The following PAMR1 variants were observed in gnomAD, a reference collection of about 807,000 sequenced individuals.
PAMR1 encodes the protein inactive serine protease PAMR1.
Under a neutral mutation model 81.8 loss-of-function variants are expected in PAMR1, and 88 were observed. That is an observed-to-expected ratio of 1.08 (90% CI 0.91 to 1.28). The LOEUF (loss-of-function observed/expected upper bound fraction) is 1.28. Ranked by LOEUF, PAMR1 falls within the 50% of genes most tolerant of loss-of-function variation. The pLI is 0.00. For synonymous variants in PAMR1, 336 were observed against 345.3 expected (o/e 0.97, Z 0.30); for missense variants, 935 against 919.7 (o/e 1.02, Z -0.21).
chr11:35,492,588 C>T (rs891139766), intron 2 of PAMR1, among the ~76,000 whole-genome samples: 3 of 152,236 alleles, frequency 2.0e-5, no homozygotes, highest in Non-Finnish European at 2.9e-5. Flanking sequence ...CAGTCTTTCT[C>T]TGCCTATATA....
intron 8 of PAMR1, chr11:35,436,343 G>A: frequency 3.8e-6 from 2 of 525,884 alleles, no homozygotes; most frequent in South Asian, 5.2e-5. Context: ...GGAGTGTAGT[G>A]ATGCGATCTT....
At chr11:35,434,425 GACAGAGCTTGGTATAATC>G (rs1277654448) in intron 10 of PAMR1, 69 bp downstream of exon 10, 37 of 1,336,560 alleles carry the variant, frequency 2.8e-5, no homozygotes, top group Non-Finnish European at 3.7e-5. Context: ...ATGCTAAGGG[GACAGAGCTTGGTATAATC>G]ACTGCTCTCC....
intron 6 of PAMR1, among the ~76,000 whole-genome samples, chr11:35,453,825 C>A (rs1856470675): frequency 6.6e-6 from 1 of 152,106 alleles, no homozygotes; most frequent in Non-Finnish European, 1.5e-5. Context: ...CCTGAAGGAG[C>A]ATCAAGGTCC....
chr11:35,472,994 G>A (rs1244121877), intron 4 of PAMR1, among the ~76,000 whole-genome samples: 1 of 152,130 alleles, frequency 6.6e-6, no homozygotes, highest in Admixed American at 6.5e-5. Context: ...TGGCAGGAGT[G>A]GAAGCCAGGA....
At chr11:35,476,652 T>C (rs141480501) in intron 3 of PAMR1, among the ~76,000 whole-genome samples, 140 of 152,266 alleles carry the variant, frequency 9.2e-4, no homozygotes, top group African/African-American at 3.2e-3. Context: ...CACCCGCCAT[T>C]CACCCTTGTT....
Position 35,470,808 on chromosome 11 carries a change from A to C in PAMR1, c.505T>G (p.Leu169Val), listed in dbSNP as rs139236929. ...CACATGTAGTCAAACTCCAGGCTCA[A>C]CATGACAAATCTGTGGGTGGACAGG... is the stretch of plus-strand genomic sequence containing the variant. ...GFVIQLRFVM[L>V]SLEFDYMCQY... is the part of the protein sequence containing the mutation. Residue 169 changes from leucine (L) to valine (V), a missense_variant, in exon 5 of 11, where the codon TTG (leucine) becomes GTG (valine). By Grantham distance (32) the Leu-to-Val change is conservative (BLOSUM62 1). Transcript: ENST00000619888. The C allele has an allele frequency of 1.2e-4, 190 of 1,613,712 alleles. No homozygotes were observed. In the African/African-American group the frequency reaches 1.9e-3, roughly 16 times the overall value.
intron 5 of PAMR1, among the ~76,000 whole-genome samples, chr11:35,468,797 T>C (rs1453343134): frequency 6.6e-6 from 1 of 152,226 alleles, no homozygotes; most frequent in Non-Finnish European, 1.5e-5. Flanking sequence ...CAAGGCATCC[T>C]GGGGACTATT....
At chr11:35,475,088 C>T (rs1043590122) in intron 3 of PAMR1, among the ~76,000 whole-genome samples, 4 of 152,158 alleles carry the variant, frequency 2.6e-5, no homozygotes, top group Non-Finnish European at 2.9e-5. Flanking sequence ...ATGTAAAGTT[C>T]GAGCCACCCT....
intron 6 of PAMR1, among the ~76,000 whole-genome samples, chr11:35,450,402 G>A (rs1156529667): frequency 1.3e-5 from 2 of 152,122 alleles, no homozygotes; most frequent in Non-Finnish European, 2.9e-5. Context: ...ATAAAAAAGG[G>A]ACCCCACTGA....
At chr11:35,488,771 C>T (rs1383490754) in intron 3 of PAMR1, among the ~76,000 whole-genome samples, 3 of 141,614 alleles carry the variant, frequency 2.1e-5, no homozygotes, top group African/African-American at 7.7e-5. Flanking sequence ...CAGGGTTTCA[C>T]CATGTTGCTC....
chr11:35,455,526 C>A (rs536153161), intron 6 of PAMR1, among the ~76,000 whole-genome samples: 106 of 152,258 alleles, frequency 7.0e-4, no homozygotes, highest in African/African-American at 2.3e-3. Context: ...GATACACCAG[C>A]CTTGCATGAA....
upstream of PAMR1, among the ~76,000 whole-genome samples, chr11:35,528,127 C>A (rs953917160): frequency 1.3e-5 from 2 of 152,070 alleles, no homozygotes; most frequent in African/African-American, 4.8e-5. Context: ...GCAGTCTATA[C>A]CACCCCCAAA....
At chr11:35,463,273 C>G (rs1020526653) in intron 6 of PAMR1, among the ~76,000 whole-genome samples, 3 of 152,218 alleles carry the variant, frequency 2.0e-5, no homozygotes, top group Middle Eastern at 3.2e-3. Flanking sequence ...GACTCCAAAA[C>G]CCAAATGAAT....
chr11:35,511,518 G>A (rs1011661162), intron 1 of PAMR1, among the ~76,000 whole-genome samples: 2 of 152,200 alleles, frequency 1.3e-5, no homozygotes, highest in South Asian at 2.1e-4. Context: ...AGACACTTTT[G>A]TCATGTGCCT....
chr11:35,497,046 A>G (rs1410998509), intron 1 of PAMR1, among the ~76,000 whole-genome samples: 2 of 152,174 alleles, frequency 1.3e-5, no homozygotes, highest in African/African-American at 2.4e-5. Flanking sequence ...GCACACCTGT[A>G]ATCCCAGCTA....
At chr11:35,452,579 TAC>T (rs1395882227) in intron 6 of PAMR1, among the ~76,000 whole-genome samples, 1 of 152,230 alleles carries the variant, frequency 6.6e-6, no homozygotes, top group Non-Finnish European at 1.5e-5. Flanking sequence ...TTAAAATAAT[TAC>T]AGTTATTATC....
chr11:35,490,707 A>T (rs1850606649), intron 3 of PAMR1, among the ~76,000 whole-genome samples: 1 of 152,232 alleles, frequency 6.6e-6, no homozygotes, highest in Admixed American at 6.5e-5. Context: ...CATATAGGAT[A>T]ACAGTGACAT....
Position 35,468,076 on chromosome 11 carries a change from TGCC to T in PAMR1, c.742_744del (p.Gly248del). On this transcript the variant is annotated inframe_deletion, in exon 6 of 11. Transcript: ENST00000619888. ...GATCCAGCCTTGTCAAGGACGCACG[TGCC>T]GTCATGGAAACAAGGGGATGAGGAG... 1 of 1,556,308 alleles carries T rather than the reference TGCC, an allele frequency of 6.4e-7. No individual in the cohort carries two copies.
intron 3 of PAMR1, among the ~76,000 whole-genome samples, chr11:35,482,877 A>G (rs1206620895): frequency 6.6e-6 from 1 of 152,066 alleles, no homozygotes; most frequent in Admixed American, 6.5e-5. Context: ...ATTTTTGCTC[A>G]TTGATTTGGT....
Sources: gnomAD v4.1 joint callset for allele counts (sites outside exome capture counted in the v4.1 genomes callset) on GRCh38, gnomAD v4.1.1 for gene constraint, MANE v1.5 for transcripts, NCBI Gene and HGNC (gene_info 2026-07-23, HGNC 2026-07-21) for gene names.